Variants in NODAL observed in about 807,000 individuals in gnomAD.
NODAL encodes the protein nodal growth differentiation factor.
Under a neutral mutation model 34.0 loss-of-function variants are expected in NODAL, and 12 were observed. The ratio of observed to expected loss-of-function variants is 0.35; its 90% CI spans 0.23 to 0.57. The LOEUF (loss-of-function observed/expected upper bound fraction) is 0.57, where lower values mean the gene tolerates loss of function less well. Among genes scored for constraint, NODAL ranks in the 20% least tolerant of loss-of-function variants. The probability of loss-of-function intolerance (pLI) is 0.83; values close to 1 mark genes in which losing one functional copy is unlikely to be tolerated. For missense variants in NODAL, 390 were observed against 444.2 expected (o/e 0.88, Z 1.10); for synonymous variants, 162 against 186.4 (o/e 0.87, Z 1.07).
chr10:70,446,834 G>A (rs953795051), intron 1 of NODAL, among the ~76,000 whole-genome samples: 1 of 152,124 alleles, frequency 6.6e-6, no homozygotes. Flanking sequence ...TCTGTGCCTA[G>A]CATAGCTCCT....
chr10:70,435,221 A>AT, intron 2 of NODAL, 65 bp downstream of exon 2: 1 of 1,377,688 alleles, frequency 7.3e-7, no homozygotes, highest in Non-Finnish European at 1.0e-6. Flanking sequence ...TTAATAGCAA[A>AT]GCTAGAGCCC....
At chr10:70,436,106 C>G (rs565134876) in intron 1 of NODAL, 123 bp from the exon 2 acceptor site, 2 of 792,774 alleles carry the variant, frequency 2.5e-6, no homozygotes, top group Non-Finnish European at 4.3e-6. Context: ...CCTTCGAATT[C>G]TCACCCCAAC....
intron 1 of NODAL, among the ~76,000 whole-genome samples, chr10:70,447,171 T>G (rs1845497730): frequency 6.6e-6 from 1 of 151,704 alleles, no homozygotes; most frequent in Non-Finnish European, 1.5e-5. Context: ...CCTCCCAGGT[T>G]CAAGTGATTC....
Position 70,432,867 on chromosome 10 carries a change from TATC to T in NODAL, c.*66_*68del, listed in dbSNP as rs1305258341. 5.1e-6 allele frequency: 8 copies of T among 1,574,764 alleles called. No homozygotes were observed. Among genetic ancestry groups the T allele is most frequent in the Non-Finnish European group, 7.0e-6 (8 of 1,145,554 alleles). On this transcript the variant is annotated 3_prime_UTR_variant, in exon 3 of 3. Coordinates refer to ENST00000287139, the MANE Select transcript of NODAL (RefSeq NM_018055.5). Reference sequence around the variant, plus strand: ...GTTTCTCCTTACTGGATTAGATGGTTATCATGTCTTCCAGGAGTTTCCCAGCCT... The same window carrying T: ...GTTTCTCCTTACTGGATTAGATGGTTATGTCTTCCAGGAGTTTCCCAGCCT...
chr10:70,440,632 T>G (rs867605927), intron 1 of NODAL, among the ~76,000 whole-genome samples: 2 of 152,136 alleles, frequency 1.3e-5, no homozygotes, highest in African/African-American at 4.8e-5. Context: ...GGGCTCCCTC[T>G]CCGCAGCACC....
upstream of NODAL, among the ~76,000 whole-genome samples, chr10:70,444,019 G>T (rs1276753423): frequency 2.0e-5 from 3 of 146,710 alleles, no homozygotes; most frequent in African/African-American, 7.6e-5. Context: ...TGCAACCTCT[G>T]CCTCCCCGGT....
chr10:70,432,725 C>T lies in NODAL; in HGVS notation c.*211G>A. 3.3e-6 allele frequency: 2 copies of T among 612,602 alleles called. No homozygotes were observed. Among genetic ancestry groups the T allele is most frequent in the Non-Finnish European group, 5.8e-6 (2 of 342,430 alleles). 37.9% of individuals were successfully genotyped at this position (612,602 alleles called of 1,614,324 possible). On this transcript the variant is annotated 3_prime_UTR_variant, in exon 3 of 3. Transcript: ENST00000287139. ...GCCAGCCCCCTGCACAGGCTTCTTC[C>T]TCCCTCTTCCTGACAGCAGCCTCTG...
At chr10:70,436,087 A>G (rs1845349905) in intron 1 of NODAL, 104 bp from the exon 2 acceptor site, 1 of 961,688 alleles carries the variant, frequency 1.0e-6, no homozygotes, top group South Asian at 1.4e-5. Context: ...CTTACCTTAT[A>G]TAGAATTACC....
At chr10:70,443,069 C>T (rs572911837), upstream of NODAL, among the ~76,000 whole-genome samples, 1 of 151,568 alleles carries the variant, frequency 6.6e-6, no homozygotes, top group South Asian at 2.1e-4. Flanking sequence ...TCTGGGCAAC[C>T]GAGTGAGTCC....
Position 70,433,024 on chromosome 10 carries a change from T to G in NODAL, c.956A>C (p.Lys319Thr). The change falls in exon 3 of 3, where the codon AAG becomes ACG. Residue 319 changes from lysine to threonine, a missense_variant. Physicochemically the swap from Lys to Thr is moderately conservative, Grantham distance 78. Transcript: ENST00000287139. ...ATCCACATACAGCATGCTCAGCGGC[T>G]TGGTCTTCACTGGGGCACAACAAGT... ...PSTCCAPVKT[K>T]PLSMLYVDNG... The G allele has an allele frequency of 6.2e-7, 1 of 1,614,058 alleles. No homozygotes were observed. Among genetic ancestry groups the G allele is most frequent in the Non-Finnish European group, 8.5e-7 (1 of 1,180,026 alleles).
At chr10:70,439,058 G>T (rs1277335806) in intron 1 of NODAL, among the ~76,000 whole-genome samples, 1 of 151,924 alleles carries the variant, frequency 6.6e-6, no homozygotes, top group Non-Finnish European at 1.5e-5. Flanking sequence ...AGGCTCGAGT[G>T]CAGTGGTGCG....
upstream of NODAL, among the ~76,000 whole-genome samples, chr10:70,441,971 G>C (rs754372377): frequency 6.6e-6 from 1 of 152,166 alleles, no homozygotes; most frequent in African/African-American, 2.4e-5. Flanking sequence ...TGCTGAGACA[G>C]AGCAGGCTTG....
At chr10:70,434,461 C>T (rs951270526) in intron 2 of NODAL, among the ~76,000 whole-genome samples, 5 of 152,202 alleles carry the variant, frequency 3.3e-5, no homozygotes, top group Non-Finnish European at 5.9e-5. Flanking sequence ...CTCCCGGGTT[C>T]AAGTGATTCT....
intron 1 of NODAL, among the ~76,000 whole-genome samples, chr10:70,437,618 G>A (rs978809721): frequency 3.3e-5 from 5 of 152,120 alleles, no homozygotes; most frequent in Admixed American, 1.3e-4. Context: ...AATAAGACAG[G>A]GCATTTATAA....
chr10:70,435,327 C>A lies in NODAL; in HGVS notation c.850G>T (p.Val284Phe), dbSNP rs1310479365. 3 of 1,613,698 alleles carry A rather than the reference C, an allele frequency of 1.9e-6. No individual in the cohort carries two copies. The highest frequency in any genetic ancestry group is 2.5e-6 in the Non-Finnish European group (3 of 1,179,884). ...TTGGTCGGATGAAACTCCTCCCCAACAGGATTAGGACACTCGCCCTCACAG... is the reference window on the plus strand; with the variant it reads ...TTGGTCGGATGAAACTCCTCCCCAAAAGGATTAGGACACTCGCCCTCACAG... ...YRCEGECPNPVGEEFHPTNHA... is the reference protein window; with the variant it reads ...YRCEGECPNPFGEEFHPTNHA... Residue 284 changes from valine to phenylalanine, a missense_variant, in exon 2 of 3, where the codon GTT (valine) becomes TTT (phenylalanine). By Grantham distance (50) the Val-to-Phe change is conservative. Transcript: ENST00000287139.
chr10:70,447,769 G>A (rs1215498421), intron 1 of NODAL, among the ~76,000 whole-genome samples: 1 of 151,942 alleles, frequency 6.6e-6, no homozygotes, highest in Non-Finnish European at 1.5e-5. Flanking sequence ...CTACCAGATT[G>A]TGAGCTGCCT....
rs1004084139 is a variant in NODAL at position 70,432,846 on chromosome 10, C to A, written c.*90G>T. The A allele has an allele frequency of 1.3e-5, 20 of 1,515,470 alleles. No homozygotes were observed. Among genetic ancestry groups the A allele is most frequent in the Non-Finnish European group, 1.6e-5 (18 of 1,094,368 alleles). 93.9% of individuals were successfully genotyped at this position (1,515,470 alleles called of 1,614,324 possible). ...AGAGCAACTTTGCCCCTCTCTGTTT[C>A]TCCTTACTGGATTAGATGGTTATCA... On this transcript the variant is annotated 3_prime_UTR_variant, in exon 3 of 3. Transcript: ENST00000287139.
rs778173678 is a variant in NODAL, at chr10:70,447,869, C to T, written c.28+55G>A. On this transcript the variant is annotated intron_variant, in intron 1 of 2. Coordinates refer to the NODAL transcript ENST00000414871. Reference sequence around the variant, plus strand: ...ACTGTTTGCTGGAATCTGCAACCTACGTGAATGAATTCAATCTCATAAAGG... The same window carrying T: ...ACTGTTTGCTGGAATCTGCAACCTATGTGAATGAATTCAATCTCATAAAGG... The T allele has an allele frequency of 8.3e-5, 39 of 470,972 alleles. 1 individual carries two copies. The highest frequency in any genetic ancestry group is 4.0e-4 in the Admixed American group (17 of 42,554). The allele number at this position is 470,972 out of a possible 1,614,324, so 29.2% of individuals were successfully genotyped here. A position where few individuals can be genotyped will look rare whatever the true frequency, so the allele number is the denominator to read the frequency against.
chr10:70,445,680 C>T (rs1158790688), upstream of NODAL, among the ~76,000 whole-genome samples: 1 of 152,142 alleles, frequency 6.6e-6, no homozygotes, highest in Non-Finnish European at 1.5e-5. Context: ...ACTTCAGAGA[C>T]GATGAGAAAA....
Sources: allele counts gnomAD v4.1 joint callset (sites outside exome capture counted in the v4.1 genomes callset), GRCh38; gene constraint gnomAD v4.1.1; transcripts MANE v1.5; gene names NCBI Gene and HGNC (gene_info 2026-07-23, HGNC 2026-07-21).